CPAP: variants seen among roughly 807,000 people sequenced by gnomAD.
The protein encoded by CPAP is centrosome assembly and centriole elongation protein, also known as centrosomal P4.1-associated protein.
the CPAP span, chr13:24,910,169 A>G: frequency 4.6e-5 from 56 of 1,223,456 alleles, 1 homozygote; most frequent in South Asian, 6.3e-4. Context: ...CCACCCCACA[A>G]AGACTTCTCC....
chr13:24,919,911 G>A, the CPAP span, among the ~76,000 whole-genome samples: 2 of 152,090 alleles, frequency 1.3e-5, no homozygotes, highest in East Asian at 3.9e-4. Context: ...CTACAGGTAT[G>A]TGTCACCATG....
the CPAP span, chr13:24,905,504 A>T: frequency 6.2e-7 from 1 of 1,614,058 alleles, no homozygotes. Flanking sequence ...TCCCCTCTTG[A>T]CTGGTGCAAT....
chr13:24,893,093 G>C, the CPAP span, among the ~76,000 whole-genome samples: 5 of 152,138 alleles, frequency 3.3e-5, no homozygotes, highest in African/African-American at 7.2e-5. Flanking sequence ...CCAGGAGAAA[G>C]GAAGGCAGAC....
At chr13:24,904,624 G>A in the CPAP span, among the ~76,000 whole-genome samples, 2 of 152,124 alleles carry the variant, frequency 1.3e-5, no homozygotes, top group South Asian at 4.1e-4. Context: ...AAAAATGACT[G>A]GAATGAAATA....
the CPAP span, among the ~76,000 whole-genome samples, chr13:24,921,329 C>A: frequency 6.8e-6 from 1 of 147,912 alleles, no homozygotes; most frequent in Non-Finnish European, 1.5e-5. Context: ...TATAACAATT[C>A]TCTTTTTTAT....
At chr13:24,923,094 T>G in the CPAP span, among the ~76,000 whole-genome samples, 6 of 152,192 alleles carry the variant, frequency 3.9e-5, no homozygotes, top group South Asian at 1.2e-3. Context: ...CCTTCCGTGG[T>G]GGACGTCGCC....
the CPAP span, chr13:24,899,661 G>T: frequency 9.4e-7 from 1 of 1,069,304 alleles, no homozygotes; most frequent in Non-Finnish European, 1.4e-6. Context: ...TGACAGGCTA[G>T]TAACTGCTAG....
the CPAP span, among the ~76,000 whole-genome samples, chr13:24,918,091 A>G: frequency 2.0e-5 from 3 of 152,236 alleles, no homozygotes; most frequent in African/African-American, 7.2e-5. Flanking sequence ...TAATTATGGC[A>G]TATTTTTCTA....
the CPAP span, chr13:24,907,961 T>G: frequency 1.6e-6 from 2 of 1,215,504 alleles, no homozygotes; most frequent in South Asian, 2.4e-5. Context: ...TGTTCAATAA[T>G]AAAGGCTAGC....
chr13:24,892,363 G>T, the CPAP span, among the ~76,000 whole-genome samples: 5 of 151,970 alleles, frequency 3.3e-5, no homozygotes, highest in African/African-American at 1.2e-4. Context: ...TTTTAGTTGT[G>T]GTAAAATAGA....
At chr13:24,912,412 T>A in the CPAP span, among the ~76,000 whole-genome samples, 1 of 152,210 alleles carries the variant, frequency 6.6e-6, no homozygotes, top group South Asian at 2.1e-4. Flanking sequence ...TTATTATAAG[T>A]GCTAATTAAA....
chr13:24,895,091 A>G, the CPAP span, among the ~76,000 whole-genome samples: 4 of 152,228 alleles, frequency 2.6e-5, no homozygotes, highest in African/African-American at 9.6e-5. Context: ...CCCGGTGAGC[A>G]CGGCTGAGAG....
the CPAP span, among the ~76,000 whole-genome samples, chr13:24,894,842 G>C: frequency 6.6e-6 from 1 of 152,136 alleles, no homozygotes; most frequent in African/African-American, 2.4e-5. Context: ...GGGGATGGGG[G>C]AGAGGAAGAG....
the CPAP span, among the ~76,000 whole-genome samples, chr13:24,910,396 TA>T: frequency 6.6e-6 from 1 of 152,212 alleles, no homozygotes; most frequent in East Asian, 1.9e-4. Context: ...GCTAATTTTT[TA>T]TATTTTTAGA....
the CPAP span, chr13:24,884,321 A>G: frequency 6.2e-7 from 1 of 1,614,106 alleles, no homozygotes; most frequent in Non-Finnish European, 8.5e-7. Flanking sequence ...CTGGAAACAT[A>G]CCACTCTTTG....
At chr13:24,883,685 T>G in the CPAP span, among the ~76,000 whole-genome samples, 1 of 152,232 alleles carries the variant, frequency 6.6e-6, no homozygotes, top group Non-Finnish European at 1.5e-5. Context: ...ATCTGAGTGT[T>G]TGTTTGCTCT....
At chr13:24,918,418 G>C in the CPAP span, among the ~76,000 whole-genome samples, 1 of 152,130 alleles carries the variant, frequency 6.6e-6, no homozygotes, top group Non-Finnish European at 1.5e-5. Context: ...ACACAGTAAG[G>C]GTTAGGGGGA....
At chr13:24,922,295 G>T in the CPAP span, among the ~76,000 whole-genome samples, 1 of 152,226 alleles carries the variant, frequency 6.6e-6, no homozygotes, top group Non-Finnish European at 1.5e-5. Context: ...GAAGTAACTA[G>T]TTGGTCTGGG....
At chr13:24,918,652 A>G in the CPAP span, among the ~76,000 whole-genome samples, 1 of 152,262 alleles carries the variant, frequency 6.6e-6, no homozygotes, top group Non-Finnish European at 1.5e-5. Flanking sequence ...GTGGAAATGA[A>G]TCATCATAAA....
Sources: gnomAD v4.1 joint callset for allele counts (sites outside exome capture counted in the v4.1 genomes callset) on GRCh38, gnomAD v4.1.1 for gene constraint, MANE v1.5 for transcripts, NCBI Gene and HGNC (gene_info 2026-07-23, HGNC 2026-07-21) for gene names.